The following RGS6 variants were observed in gnomAD, a reference collection of about 807,000 sequenced individuals.
The protein encoded by RGS6 is regulator of G protein signaling 6, also known as regulator of G-protein signaling 6.
A neutral mutation model predicts 78.5 loss-of-function variants in RGS6; 30 were observed. The ratio of observed to expected loss-of-function variants is 0.38; its 90% confidence interval spans 0.29 to 0.52. The LOEUF (loss-of-function observed/expected upper bound fraction) is 0.52, where lower values mean the gene tolerates loss of function less well. RGS6 is among the 20% of genes least tolerant of loss of function. The pLI is 0.85. For missense variants in RGS6, 495 were observed against 609.7 expected, an observed-to-expected ratio of 0.81 and a Z score of 1.98; for synonymous variants, 206 against 206.0, an observed-to-expected ratio of 1.00 and a Z score of 0.00.
chr14:72,530,990 A>G (rs200013165), intron 15 of RGS6, among the ~76,000 whole-genome samples: 1 of 152,158 alleles, frequency 6.6e-6, no homozygotes. Context: ...CATCTGTAAA[A>G]ATAAACACAT....
At chr14:71,977,165 C>G (rs1340874744) in intron 2 of RGS6, among the ~76,000 whole-genome samples, 4 of 106,634 alleles carry the variant, frequency 3.8e-5, no homozygotes, top group Non-Finnish European at 6.1e-5. Flanking sequence ...GATATTAGCC[C>G]TTTGTCAGAT....
rs193116595 is a variant in RGS6 at position 72,517,619 on chromosome 14, G to A, written c.1092-732G>A. 9.2e-5 allele frequency among the ~76,000 whole-genome samples: 14 copies of A among 152,318 alleles called. No individual in the cohort carries two copies. In the East Asian group the frequency reaches 1.5e-3, roughly 17 times the overall value. On this transcript the variant is annotated intron_variant, in intron 14 of 17. Transcript: ENST00000553525. ...GCCTCTTCAGCATTGCTCCAGATGC[G>A]TCCGTCTTCACTCTGAAACCCATAT...
chr14:72,586,663 C>G, the RGS6 span, among the ~76,000 whole-genome samples: 27 of 152,162 alleles, frequency 1.8e-4, no homozygotes, highest in Admixed American at 1.4e-3. Context: ...AGAGCTTACT[C>G]TCTCCTGAAA....
At chr14:72,005,439 C>CTCTATCTA (rs148163713) in intron 2 of RGS6, among the ~76,000 whole-genome samples, 1,542 of 143,628 alleles carry the variant, frequency 0.011, 21 homozygotes, top group African/African-American at 0.033. Context: ...ACCTGCATAT[C>CTCTATCTA]TCTATCTATC....
chr14:71,868,406 G>A, the RGS6 span, among the ~76,000 whole-genome samples: 2 of 152,126 alleles, frequency 1.3e-5, no homozygotes, highest in East Asian at 3.8e-4. Context: ...ACAGAGCCCA[G>A]CAGAAAGCAG....
chr14:72,122,108 A>T (rs1427627255), intron 2 of RGS6, among the ~76,000 whole-genome samples: 1 of 152,158 alleles, frequency 6.6e-6, no homozygotes, highest in Non-Finnish European at 1.5e-5. Context: ...TGTATAGAAG[A>T]TAATAGATCA....
chr14:72,246,755 C>T (rs111829734), intron 2 of RGS6, among the ~76,000 whole-genome samples: 4,700 of 152,126 alleles, frequency 0.031, 236 homozygotes, highest in African/African-American at 0.11. Flanking sequence ...ACTAAAAATA[C>T]AAAACTTAGC....
At chr14:72,447,402 C>A (rs2153223343) in intron 3 of RGS6, among the ~76,000 whole-genome samples, 1 of 152,290 alleles carries the variant, frequency 6.6e-6, no homozygotes, top group Admixed American at 6.5e-5. Flanking sequence ...CTCCTCATTT[C>A]CCCTTCTGTC....
At chr14:72,034,883 C>A (rs2091454169) in intron 2 of RGS6, among the ~76,000 whole-genome samples, 2 of 152,092 alleles carry the variant, frequency 1.3e-5, no homozygotes, top group Non-Finnish European at 2.9e-5. Flanking sequence ...TCACTTTCTG[C>A]AGTTTCAGGT....
chr14:72,150,743 C>T (rs930128600), intron 2 of RGS6, among the ~76,000 whole-genome samples: 6 of 152,016 alleles, frequency 3.9e-5, no homozygotes, highest in Admixed American at 2.6e-4. Context: ...GAAATCCACC[C>T]CTACCACCCA....
chr14:72,592,606 G>T, the RGS6 span, among the ~76,000 whole-genome samples: 4 of 152,242 alleles, frequency 2.6e-5, no homozygotes, highest in African/African-American at 9.6e-5. Context: ...GGCTTTTCAA[G>T]ATTAAGGGAG....
At chr14:72,237,532 G>C (rs977330008) in intron 2 of RGS6, among the ~76,000 whole-genome samples, 1 of 152,166 alleles carries the variant, frequency 6.6e-6, no homozygotes, top group African/African-American at 2.4e-5. Flanking sequence ...TGAAGAGGCA[G>C]AGGCAATCCA....
the RGS6 span, among the ~76,000 whole-genome samples, chr14:71,920,635 G>GCACA: frequency 0.63 from 96,207 of 151,786 alleles, 30,858 homozygotes; most frequent in South Asian, 0.67. Context: ...ACACGCGCGT[G>GCACA]CACACACACA....
intron 2 of RGS6, among the ~76,000 whole-genome samples, chr14:71,975,864 G>C (rs1023184073): frequency 6.6e-6 from 1 of 152,054 alleles, no homozygotes; most frequent in African/African-American, 2.4e-5. Context: ...TTTTCCTCTA[G>C]ATTTCATGTG....
At chr14:72,414,456 A>T (rs1162006632) in intron 3 of RGS6, among the ~76,000 whole-genome samples, 1 of 152,022 alleles carries the variant, frequency 6.6e-6, no homozygotes, top group Non-Finnish European at 1.5e-5. Context: ...TATTCTAGTT[A>T]GTCATTCTTT....
chr14:71,999,919 G>A (rs2083118007), intron 2 of RGS6, among the ~76,000 whole-genome samples: 1 of 150,820 alleles, frequency 6.6e-6, no homozygotes, highest in Non-Finnish European at 1.5e-5. Flanking sequence ...ATAGCAGTAT[G>A]AGAACTAATA....
intron 17 of RGS6, chr14:72,547,299 G>A: frequency 1.3e-6 from 2 of 1,535,690 alleles, no homozygotes; most frequent in Non-Finnish European, 1.7e-6. Flanking sequence ...AACTCTGCCT[G>A]TGGTCCAGAC....
In RGS6 at chr14:72,555,027, C is replaced by CAGAG. The variant is rs572934167; in HGVS notation, c.1423-7388_1423-7385dup. On this transcript the variant is annotated intron_variant, in intron 17 of 17. Coordinates refer to ENST00000553525, the MANE Select transcript of RGS6 (RefSeq NM_001204424.2). ...GTGATGAGCATGGTGAGGCCAGGGT[C>CAGAG]AGAGATGCCAGGAACACCAGCAGGG... Among the ~76,000 whole-genome samples the CAGAG allele has an allele frequency of 3.3e-5, 5 of 152,336 alleles. No homozygotes were observed. The East Asian group carries it at 7.7e-4, about 23-fold the overall frequency.
chr14:72,401,293 A>G (rs1283466594), intron 3 of RGS6, among the ~76,000 whole-genome samples: 2 of 152,072 alleles, frequency 1.3e-5, no homozygotes, highest in African/African-American at 2.4e-5. Context: ...TTAAGGAATA[A>G]TTTTGACTGA....
Sources: gnomAD v4.1 joint callset for allele counts (sites outside exome capture counted in the v4.1 genomes callset) on GRCh38, gnomAD v4.1.1 for gene constraint, MANE v1.5 for transcripts, NCBI Gene and HGNC (gene_info 2026-07-23, HGNC 2026-07-21) for gene names.